The following ERCC6L2 variants were observed in gnomAD, a reference collection of about 807,000 sequenced individuals.
ERCC6L2 encodes the protein ERCC excision repair 6 like 2.
In ERCC6L2, 77 loss-of-function variants were observed where a neutral mutation model predicts 132.0. The ratio of observed to expected loss-of-function variants is 0.58; its 90% CI spans 0.49 to 0.71. The LOEUF is 0.71. Among genes scored for constraint, ERCC6L2 ranks in the 30% least tolerant of loss-of-function variants. The probability of loss-of-function intolerance (pLI) is 0.00; values close to 1 mark genes in which losing one functional copy is unlikely to be tolerated. For synonymous variants in ERCC6L2, 583 were observed against 632.4 expected (o/e 0.92, Z 1.17); for missense variants, 1,542 against 1,837.6 (o/e 0.84, Z 2.94).
intron 7 of ERCC6L2, 38 bp from the exon 8 acceptor site, chr9:95,922,267 G>T: frequency 9.2e-7 from 1 of 1,085,838 alleles, no homozygotes; most frequent in South Asian, 1.3e-5. Context: ...GCATAGCTAT[G>T]CTGGTCCTTT....
At chr9:95,970,453 A>G (rs182609382) in intron 14 of ERCC6L2, 123 bp from the exon 15 acceptor site, 1 of 309,762 alleles carries the variant, frequency 3.2e-6, no homozygotes, top group African/African-American at 2.2e-5. Flanking sequence ...AGAATGCTAA[A>G]GCAAGCTGCA....
intron 13 of ERCC6L2, 74 bp from the exon 14 acceptor site, chr9:95,966,488 A>G: frequency 1.5e-6 from 2 of 1,329,466 alleles, no homozygotes; most frequent in South Asian, 2.3e-5. Context: ...GTGTATATAC[A>G]GGGAATGCCA....
In ERCC6L2 at chr9:96,013,189, C is replaced by T; in HGVS notation, c.4639C>T (p.Gln1547Ter). Residue 1547 changes from glutamine to a stop codon, truncating the protein, a stop_gained, in exon 19 of 19, where the codon CAG (glutamine) becomes TAG (stop). Coordinates refer to ENST00000653738, the MANE Select transcript of ERCC6L2 (RefSeq NM_020207.7). LOFTEE classifies it high-confidence loss of function. ...SDTDENATNT[Q>*]STT Reference sequence around the variant, plus strand: ...TACAGATGAAAACGCAACCAATACACAGAGTACCACATAAGCATATAAATG... The same window carrying T: ...TACAGATGAAAACGCAACCAATACATAGAGTACCACATAAGCATATAAATG... 7.3e-7 allele frequency: 1 copy of T among 1,361,730 alleles called. No individual in the cohort carries two copies. Among genetic ancestry groups the T allele is most frequent in the Admixed American group, 2.0e-5 (1 of 51,038 alleles). The allele number at this position is 1,361,730 out of a possible 1,614,324, so 84.4% of individuals were successfully genotyped here.
rs1433551672 is a variant in ERCC6L2 at position 95,972,120 on chromosome 9, T to C, written c.2369T>C (p.Leu790Ser). The C allele has an allele frequency of 7.7e-7, 1 of 1,304,266 alleles. No individual in the cohort carries two copies. 80.8% of individuals were successfully genotyped at this position (1,304,266 alleles called of 1,614,324 possible). A position where few individuals can be genotyped will look rare whatever the true frequency, so the allele number is the denominator to read the frequency against. ...KASSSPGQLT[L>S]LQCGFSKLLE... Reference sequence around the variant, plus strand: ...TCCAGCTCTCCAGGACAGCTTACCTTACTCCAGTGTGGTTTCTCGAAATTG... The same window carrying C: ...TCCAGCTCTCCAGGACAGCTTACCTCACTCCAGTGTGGTTTCTCGAAATTG... Residue 790 changes from leucine to serine, a missense_variant, in exon 16 of 19, where the codon TTA (leucine) becomes TCA (serine). Physicochemically the swap from Leu to Ser is moderately radical, Grantham distance 145. Around this residue, in one of 4 missense-constraint regions of ERCC6L2, gnomAD observed 945 missense variants for 1,105.2 expected, o/e 0.86. Transcript: ENST00000653738.
chr9:96,035,437 A>C (rs1834508550), intron 19 of ERCC6L2, among the ~76,000 whole-genome samples: 1 of 152,134 alleles, frequency 6.6e-6, no homozygotes, highest in Admixed American at 6.5e-5. Context: ...ATGGCCAGAG[A>C]CAGAATATGG....
Position 95,956,022 on chromosome 9 carries a change from G to A in ERCC6L2, c.1947+9G>A, listed in dbSNP as rs778781047. 9 of 1,513,278 alleles carry A rather than the reference G, an allele frequency of 5.9e-6. No homozygotes were observed. The highest frequency in any genetic ancestry group is 2.0e-5 in the Admixed American group (1 of 50,178). The allele number at this position is 1,513,278 out of a possible 1,614,324, so 93.7% of individuals were successfully genotyped here. On this transcript the variant is annotated intron_variant, in intron 13 of 18. Coordinates refer to ENST00000653738, the MANE Select transcript of ERCC6L2 (RefSeq NM_020207.7). ...GACAGATATACAAGCAGGTAAATAT[G>A]TTTCCCTTTTTCTGTTTCAGAGGTC...
intron 12 of ERCC6L2, chr9:95,954,966 C>A: frequency 2.3e-6 from 1 of 441,558 alleles, no homozygotes; most frequent in South Asian, 1.7e-5. Flanking sequence ...TATGGGTGAC[C>A]TTATAAGTTC....
chr9:95,974,999 C>T (rs1055068606), intron 16 of ERCC6L2, among the ~76,000 whole-genome samples: 1 of 152,066 alleles, frequency 6.6e-6, no homozygotes, highest in African/African-American at 2.4e-5. Context: ...CATGTTTGCT[C>T]ATTTGCTTTA....
At chr9:96,007,152 T>A (rs1247432920) in intron 18 of ERCC6L2, among the ~76,000 whole-genome samples, 1 of 152,206 alleles carries the variant, frequency 6.6e-6, no homozygotes, top group Non-Finnish European at 1.5e-5. Flanking sequence ...ATTTGAGGAC[T>A]TGAGGTTACC....
intron 13 of ERCC6L2, among the ~76,000 whole-genome samples, chr9:95,958,817 C>A (rs10988807): frequency 1.4e-3 from 212 of 152,192 alleles, no homozygotes; most frequent in Non-Finnish European, 2.5e-3. Context: ...ATCCTACTTA[C>A]AAGGGACGTG....
At chr9:95,931,764 C>A (rs868428932) in intron 11 of ERCC6L2, among the ~76,000 whole-genome samples, 2 of 151,924 alleles carry the variant, frequency 1.3e-5, no homozygotes, top group African/African-American at 4.8e-5. Flanking sequence ...TAAAATTTCA[C>A]GGTGATATTT....
At chr9:95,923,407 C>G (rs763660746) in intron 9 of ERCC6L2, 28 bp downstream of exon 9, 4 of 1,609,958 alleles carry the variant, frequency 2.5e-6, no homozygotes, top group African/African-American at 2.7e-5. Context: ...AGGTTGCATA[C>G]AGACATGATA....
rs1189811543 is a variant in ERCC6L2 at position 96,015,824 on chromosome 9, T to A, written c.*2621T>A. ...TCTCAAAAAAGGAAACTTTTATCAA[T>A]AGTAGTCAAAATGGGAGCAAAAATG... On this transcript the variant is annotated 3_prime_UTR_variant, in exon 19 of 19. Transcript: ENST00000653738. Among the ~76,000 whole-genome samples the A allele has an allele frequency of 2.0e-5, 3 of 151,958 alleles. No individual in the cohort carries two copies. The highest frequency in any genetic ancestry group is 4.8e-5 in the African/African-American group (2 of 41,392).
intron 2 of ERCC6L2, among the ~76,000 whole-genome samples, chr9:95,889,193 TA>T (rs1442936170): frequency 6.6e-6 from 1 of 152,210 alleles, no homozygotes; most frequent in Non-Finnish European, 1.5e-5. Flanking sequence ...ACATTTCACA[TA>T]TCTTTGTTTT....
intron 6 of ERCC6L2, chr9:95,918,648 C>A: frequency 5.0e-6 from 1 of 200,702 alleles, no homozygotes; most frequent in East Asian, 1.4e-4. Context: ...TTGTTGAGGC[C>A]TAAGAGCCAA....
intron 16 of ERCC6L2, among the ~76,000 whole-genome samples, chr9:95,976,274 T>C (rs1832667789): frequency 6.6e-6 from 1 of 152,148 alleles, no homozygotes; most frequent in Admixed American, 6.5e-5. Flanking sequence ...ATCCTACTTA[T>C]TTTGATTCTC....
chr9:96,009,995 C>CT (rs1254720426), intron 18 of ERCC6L2, among the ~76,000 whole-genome samples: 1 of 152,136 alleles, frequency 6.6e-6, no homozygotes, highest in Admixed American at 6.5e-5. Context: ...ATCACTTAAT[C>CT]TTTACAAACA....
chr9:95,951,591 AT>A (rs1457767458), intron 12 of ERCC6L2, among the ~76,000 whole-genome samples: 1 of 151,568 alleles, frequency 6.6e-6, no homozygotes, highest in Non-Finnish European at 1.5e-5. Flanking sequence ...GACTCAAATA[AT>A]TAACATCAAA....
chr9:95,913,868 TTATACAGC>T (rs1257162200), intron 4 of ERCC6L2, among the ~76,000 whole-genome samples: 1 of 152,254 alleles, frequency 6.6e-6, no homozygotes, highest in Non-Finnish European at 1.5e-5. Flanking sequence ...AATGGTACTA[TTATACAGC>T]TATCCTGTTA....
Sources: gnomAD v4.1 joint callset for allele counts (sites outside exome capture counted in the v4.1 genomes callset) on GRCh38, gnomAD v4.1.1 for gene constraint, gnomAD v4.1.1 regional missense constraint, MANE v1.5 for transcripts, NCBI Gene and HGNC (gene_info 2026-07-23, HGNC 2026-07-21) for gene names.